The following THSD7A variants were observed in gnomAD, a reference collection of about 807,000 sequenced individuals.
THSD7A encodes thrombospondin type-1 domain-containing protein 7A.
In THSD7A, 96 loss-of-function variants were observed where a neutral mutation model predicts 231.3. The observed-to-expected ratio is 0.41, with a 90% CI of 0.35 to 0.49. THSD7A has a LOEUF of 0.49. THSD7A is among the 20% of genes least tolerant of loss of function. THSD7A has a pLI of 0.05. For synonymous variants in THSD7A, 940 were observed against 743.3 expected, an observed-to-expected ratio of 1.26 and a Z score of -4.30; for missense variants, 2,290 against 2,070.2, an observed-to-expected ratio of 1.11 and a Z score of -2.06.
chr7:11,464,513 T>A (rs1785625216), intron 9 of THSD7A, among the ~76,000 whole-genome samples: 1 of 152,158 alleles, frequency 6.6e-6, no homozygotes, highest in Non-Finnish European at 1.5e-5. Context: ...AATGTTTCAA[T>A]TCTATTTTGT....
At chr7:11,513,345 A>G (rs1787896794) in intron 6 of THSD7A, among the ~76,000 whole-genome samples, 1 of 79,104 alleles carries the variant, frequency 1.3e-5, no homozygotes, top group African/African-American at 5.7e-5. Context: ...AAAATAGCAA[A>G]CTTTTCAAGA....
At chr7:11,510,735 TA>T (rs951815133) in intron 6 of THSD7A, among the ~76,000 whole-genome samples, 2 of 152,134 alleles carry the variant, frequency 1.3e-5, no homozygotes, top group African/African-American at 4.8e-5. Context: ...CCCTTCATGC[TA>T]AAAACTCTCA....
intron 2 of THSD7A, among the ~76,000 whole-genome samples, chr7:11,593,729 A>C (rs1377702884): frequency 1.3e-5 from 2 of 152,236 alleles, no homozygotes; most frequent in Admixed American, 6.5e-5. Context: ...ATTCATAGGA[A>C]ATAGAAAATA....
At chr7:11,527,576 T>G (rs1319831832) in intron 6 of THSD7A, among the ~76,000 whole-genome samples, 5 of 152,196 alleles carry the variant, frequency 3.3e-5, no homozygotes, top group Non-Finnish European at 2.9e-5. Context: ...TCAAGAAATC[T>G]TCCATAGACA....
At chr7:11,519,081 A>G (rs1329671868) in intron 6 of THSD7A, among the ~76,000 whole-genome samples, 3 of 152,156 alleles carry the variant, frequency 2.0e-5, no homozygotes, top group Non-Finnish European at 2.9e-5. Context: ...TTCTAGATAA[A>G]TGACTTTTTT....
chr7:11,645,394 A>T (rs1004167347), intron 1 of THSD7A, among the ~76,000 whole-genome samples: 1 of 151,888 alleles, frequency 6.6e-6, no homozygotes, highest in African/African-American at 2.4e-5. Context: ...TCACTAACAC[A>T]ATAGTATATT....
chr7:11,536,841 ATGCT>A (rs149674308), intron 6 of THSD7A, among the ~76,000 whole-genome samples: 12,523 of 152,072 alleles, frequency 0.082, 781 homozygotes, highest in East Asian at 0.18. Flanking sequence ...TATTCCTGGC[ATGCT>A]TGCTTTGCTC....
At chr7:11,594,039 T>G (rs1584047135) in intron 2 of THSD7A, among the ~76,000 whole-genome samples, 1 of 152,110 alleles carries the variant, frequency 6.6e-6, no homozygotes. Flanking sequence ...TTAATCTGAG[T>G]GGACACCATC....
chr7:11,415,632 G>T (rs1157030943), intron 17 of THSD7A, among the ~76,000 whole-genome samples: 2 of 151,906 alleles, frequency 1.3e-5, no homozygotes, highest in African/African-American at 4.8e-5. Context: ...AGATTACGGG[G>T]TACTAACTAA....
chr7:11,387,654 A>G (rs1269880134), intron 23 of THSD7A, among the ~76,000 whole-genome samples: 1 of 152,178 alleles, frequency 6.6e-6, no homozygotes, highest in African/African-American at 2.4e-5. Flanking sequence ...TCATCTGCAA[A>G]CAGAGACAAC....
intron 1 of THSD7A, among the ~76,000 whole-genome samples, chr7:11,664,473 A>G (rs1249493122): frequency 6.6e-6 from 1 of 152,012 alleles, no homozygotes; most frequent in Non-Finnish European, 1.5e-5. Flanking sequence ...TAAATACATC[A>G]CATGCTTAGT....
chr7:11,667,816 A>G (rs934486807), intron 1 of THSD7A, among the ~76,000 whole-genome samples: 10 of 152,330 alleles, frequency 6.6e-5, no homozygotes, highest in African/African-American at 2.4e-4. Context: ...CTTGAAAAAA[A>G]TCTGAAAGGA....
chr7:11,820,485 T>A, intron 1 of THSD7A: 2 of 1,022,306 alleles, frequency 2.0e-6, no homozygotes, highest in African/African-American at 1.6e-5. Context: ...ATCATGCAAG[T>A]AATACTTCTT....
rs1784902580 is a variant in THSD7A, at chr7:11,444,580, C to T, written c.3064+1481G>A. 6.6e-6 allele frequency among the ~76,000 whole-genome samples: 1 copy of T among 151,826 alleles called. No homozygotes were observed. The highest frequency in any genetic ancestry group is 1.5e-5 in the Non-Finnish European group (1 of 67,944). Reference sequence around the variant, plus strand: ...GAACACATGGGCACAGGGAGGGGAACATCACACACCGGGGTCTGTCAGGGG... The same window carrying T: ...GAACACATGGGCACAGGGAGGGGAATATCACACACCGGGGTCTGTCAGGGG... On this transcript the variant is annotated intron_variant, in intron 13 of 27. Coordinates refer to ENST00000423059, the MANE Select transcript of THSD7A (RefSeq NM_015204.3). This position sits in a 1 kb window ranked among gnomAD's most constrained non-coding sequence, Gnocchi z 4.2.
At chr7:11,593,731 TAGAAAATAA>T (rs1780257434) in intron 2 of THSD7A, among the ~76,000 whole-genome samples, 1 of 152,142 alleles carries the variant, frequency 6.6e-6, no homozygotes, top group Non-Finnish European at 1.5e-5. Flanking sequence ...TCATAGGAAA[TAGAAAATAA>T]AGAGAATTAA....
At chr7:11,656,276 A>T (rs1477427277) in intron 1 of THSD7A, among the ~76,000 whole-genome samples, 1 of 151,932 alleles carries the variant, frequency 6.6e-6, no homozygotes, top group Non-Finnish European at 1.5e-5. Context: ...ACTCTCTTGG[A>T]AACAAATGAA....
At chr7:11,818,188 T>C (rs535161837) in intron 1 of THSD7A, among the ~76,000 whole-genome samples, 2 of 152,346 alleles carry the variant, frequency 1.3e-5, no homozygotes, top group African/African-American at 4.8e-5. Context: ...TGTTATTTGC[T>C]AGCGCTATAA....
intron 4 of THSD7A, among the ~76,000 whole-genome samples, chr7:11,568,130 C>A (rs1178260375): frequency 6.6e-6 from 1 of 152,060 alleles, no homozygotes; most frequent in African/African-American, 2.4e-5. Context: ...AATTACTTTT[C>A]GTTAAAACTT....
In THSD7A at chr7:11,407,034, G is replaced by A. The variant is rs778293327; in HGVS notation, c.3938C>T (p.Thr1313Ile). 6.2e-7 allele frequency: 1 copy of A among 1,613,752 alleles called. No individual in the cohort carries two copies. The highest frequency in any genetic ancestry group is 8.5e-7 in the Non-Finnish European group (1 of 1,179,844). ...GLTGKMIRRRTVTQPFQGDGR... is the reference protein window; with the variant it reads ...GLTGKMIRRRIVTQPFQGDGR... Reference sequence around the variant, plus strand: ...ATCACCTTGAAAGGGCTGGGTCACTGTTCGTCTTCGGATCATTTTTCCTTG... The same window carrying A: ...ATCACCTTGAAAGGGCTGGGTCACTATTCGTCTTCGGATCATTTTTCCTTG... The change falls in exon 21 of 28, where the codon ACA (threonine) becomes ATA (isoleucine). Residue 1313 changes from threonine (T) to isoleucine (I), a missense_variant. Coordinates refer to ENST00000423059, the MANE Select transcript of THSD7A (RefSeq NM_015204.3).
Sources: allele counts gnomAD v4.1 joint callset (sites outside exome capture counted in the v4.1 genomes callset), GRCh38; gene constraint gnomAD v4.1.1; non-coding constraint Gnocchi (gnomAD v3.1); transcripts MANE v1.5; gene names NCBI Gene and HGNC (gene_info 2026-07-23, HGNC 2026-07-21).